Variants in PALS1 observed in about 807,000 individuals in gnomAD.
PALS1 encodes protein PALS1.
A neutral mutation model predicts 78.9 loss-of-function variants in PALS1; 31 were observed. The ratio of observed to expected loss-of-function variants is 0.39; its 90% CI spans 0.30 to 0.53. The LOEUF (loss-of-function observed/expected upper bound fraction) is 0.53, where lower values mean the gene tolerates loss of function less well. PALS1 is among the 20% of genes least tolerant of loss of function. PALS1 has a pLI of 0.67. For missense variants in PALS1, 704 were observed against 826.5 expected, an observed-to-expected ratio of 0.85 and a Z score of 1.82; for synonymous variants, 276 against 270.9, an observed-to-expected ratio of 1.02 and a Z score of -0.18.
chr14:67,312,552 A>G lies in PALS1; in HGVS notation c.1067A>G (p.Tyr356Cys), dbSNP rs2085107093. The part of the protein sequence containing the change: ...TVIHVKAHFD[Y>C]DPSDDPYVPC... Reference sequence around the variant, plus strand: ...ATCCATGTAAAAGCTCATTTTGACTATGACCCCTCAGATGACCCTTATGTT... The same window carrying G: ...ATCCATGTAAAAGCTCATTTTGACTGTGACCCCTCAGATGACCCTTATGTT... The change falls in exon 9 of 15, where the codon TAT becomes TGT. Residue 356 changes from tyrosine (Y) to cysteine (C), a missense_variant. Coordinates refer to ENST00000261681, the MANE Select transcript of PALS1 (RefSeq NM_022474.4). The G allele has an allele frequency of 6.3e-7, 1 of 1,596,668 alleles. No individual in the cohort carries two copies. The highest frequency in any genetic ancestry group is 8.5e-7 in the Non-Finnish European group (1 of 1,170,706).
chr14:67,245,923 G>GTTTA (rs2083980481), intron 1 of PALS1, among the ~76,000 whole-genome samples: 1 of 151,516 alleles, frequency 6.6e-6, no homozygotes, highest in African/African-American at 2.4e-5. Context: ...TCCATTTTGA[G>GTTTA]TTTATTTTTG....
In PALS1 at chr14:67,335,318, T is replaced by C. The variant is rs2085513068; in HGVS notation, c.*2362T>C. On this transcript the variant is annotated 3_prime_UTR_variant, in exon 15 of 15. Transcript: ENST00000261681. ...ATGGAAAAAAGCCTTGCTGTACACC[T>C]AGTTGTACAGCCACTCTGGCCAATT... is the stretch of plus-strand genomic sequence containing the variant. The C allele has an allele frequency of 6.6e-6, 1 of 152,232 alleles. No homozygotes were observed. The highest frequency in any genetic ancestry group is 1.5e-5 in the Non-Finnish European group (1 of 68,046). 9.4% of individuals were successfully genotyped at this position (152,232 alleles called of 1,614,324 possible).
At chr14:67,295,301 A>G (rs1053174133) in intron 4 of PALS1, among the ~76,000 whole-genome samples, 1 of 151,912 alleles carries the variant, frequency 6.6e-6, no homozygotes, top group East Asian at 2.0e-4. Context: ...CCTGGCCAAC[A>G]TGGTGAAACC....
rs567115190 is a variant in PALS1 at position 67,273,572 on chromosome 14, G to A, written c.-154+3789G>A. On this transcript the variant is annotated intron_variant, in intron 2 of 14. Coordinates refer to ENST00000261681, the MANE Select transcript of PALS1 (RefSeq NM_022474.4). ...AGTCTTTGCTATTGTGAATAGTGCCGCAGTCAACATATGTGTGCATGTGTC... is the reference window on the plus strand; with the variant it reads ...AGTCTTTGCTATTGTGAATAGTGCCACAGTCAACATATGTGTGCATGTGTC... 1.1e-4 allele frequency among the ~76,000 whole-genome samples: 17 copies of A among 152,206 alleles called. No individual in the cohort carries two copies. The East Asian group carries it at 1.5e-3, about 14-fold the overall frequency.
intron 3 of PALS1, among the ~76,000 whole-genome samples, chr14:67,283,599 A>ATT: frequency 6.6e-6 from 1 of 151,636 alleles, no homozygotes; most frequent in Admixed American, 6.6e-5. Flanking sequence ...CCTTCAGGGA[A>ATT]TTTTTTTTTA....
chr14:67,292,800 G>A, intron 4 of PALS1, 81 bp downstream of exon 4: 2 of 1,031,890 alleles, frequency 1.9e-6, no homozygotes, highest in Non-Finnish European at 2.9e-6. Flanking sequence ...AAATACTAAT[G>A]TGACTATAAG....
In PALS1 at chr14:67,320,214, C is replaced by G; in HGVS notation, c.1370-16C>G. On this transcript the variant is annotated splice_polypyrimidine_tract_variant and intron_variant, in intron 11 of 14. Transcript: ENST00000261681. The stretch of plus-strand genomic sequence containing the variant: ...CCATAATTTTGTTTGAAGAGCTTAA[C>G]TTTTTTTTCCCAAAGATTATGACAA... The G allele has an allele frequency of 1.3e-6, 2 of 1,597,962 alleles. No individual in the cohort carries two copies. Among genetic ancestry groups the G allele is most frequent in the Non-Finnish European group, 1.7e-6 (2 of 1,174,396 alleles).
chr14:67,244,457 G>T (rs8015862), intron 1 of PALS1, among the ~76,000 whole-genome samples: 22,621 of 152,188 alleles, frequency 0.15, 3,150 homozygotes, highest in East Asian at 0.42. Flanking sequence ...GATGAGAAAT[G>T]ATATAATTGC....
chr14:67,328,858 G>C lies in PALS1; in HGVS notation c.1852-3922G>C, dbSNP rs530207401. The stretch of plus-strand genomic sequence containing the variant: ...CTGTATCTCTGTTTTGGTACCAGTA[G>C]CATGCTGTTTTGGTTACTGTAGCCT... On this transcript the variant is annotated intron_variant, in intron 14 of 14. Coordinates refer to ENST00000261681, the MANE Select transcript of PALS1 (RefSeq NM_022474.4). Among the ~76,000 whole-genome samples, 10 of 152,164 alleles carry C rather than the reference G, an allele frequency of 6.6e-5. No homozygotes were observed. In the East Asian group the frequency reaches 1.2e-3, roughly 18 times the overall value.
intron 3 of PALS1, among the ~76,000 whole-genome samples, chr14:67,282,213 G>A (rs769349213): frequency 1.3e-5 from 2 of 151,654 alleles, no homozygotes; most frequent in South Asian, 4.2e-4. Flanking sequence ...TTTTTTTCTT[G>A]TTCATAATCT....
chr14:67,319,112 T>C (rs898200490), intron 11 of PALS1, among the ~76,000 whole-genome samples: 1 of 151,982 alleles, frequency 6.6e-6, no homozygotes, highest in African/African-American at 2.4e-5. Flanking sequence ...TCTTAACAAC[T>C]AATACATGAT....
At chr14:67,296,685 T>A (rs1490381657) in intron 4 of PALS1, among the ~76,000 whole-genome samples, 3 of 151,966 alleles carry the variant, frequency 2.0e-5, no homozygotes, top group Non-Finnish European at 4.4e-5. Flanking sequence ...TGGTAAATAT[T>A]TTAAATATTT....
At position 67,302,058 on chromosome 14, in the gene PALS1, C is replaced by T; in HGVS notation, c.741C>T (p.Gly247=). The T allele has an allele frequency of 6.2e-7, 1 of 1,608,980 alleles. No individual in the cohort carries two copies. Among genetic ancestry groups the T allele is most frequent in the Non-Finnish European group, 8.5e-7 (1 of 1,177,554 alleles). ...ATGAGAGAGTTTATGAAAGTATTGG[C>T]CAGTATGGAGGAGAAACTGTAAAAA... is the stretch of plus-strand genomic sequence containing the variant. The part of the protein sequence containing the change: ...ITDERVYESI[G]QYGGETVKIV... Residue 247 remains glycine, a synonymous_variant, in exon 6 of 15, where the codon GGC becomes GGT. Coordinates refer to ENST00000261681, the MANE Select transcript of PALS1 (RefSeq NM_022474.4).
intron 14 of PALS1, among the ~76,000 whole-genome samples, chr14:67,330,264 GCTTT>G (rs1039979493): frequency 6.6e-5 from 10 of 151,072 alleles, no homozygotes; most frequent in South Asian, 2.1e-4. Flanking sequence ...TTCTTTTTAT[GCTTT>G]CTTTGACTAT....
chr14:67,266,556 C>A (rs1419989987), intron 1 of PALS1, among the ~76,000 whole-genome samples: 1 of 152,004 alleles, frequency 6.6e-6, no homozygotes, highest in Admixed American at 6.5e-5. Context: ...AAACTGCTGA[C>A]CTCAAGTGAT....
rs766417751 is a variant in PALS1 at position 67,312,564 on chromosome 14, A to T, written c.1079A>T (p.Asp360Val). The change falls in exon 9 of 15, where the codon GAT becomes GTT. Residue 360 changes from aspartate to valine, a missense_variant. Physicochemically the swap from Asp to Val is radical, Grantham distance 152 (BLOSUM62 -3). Transcript: ENST00000261681. ...VKAHFDYDPS[D>V]DPYVPCRELG... ...GCTCATTTTGACTATGACCCCTCAG[A>T]TGACCCTTATGTTCCATGTCGAGAG... 9 of 1,607,606 alleles carry T rather than the reference A, an allele frequency of 5.6e-6. 1 individual carries two copies. In the South Asian group the frequency reaches 1.0e-4, roughly 18 times the overall value.
intron 3 of PALS1, among the ~76,000 whole-genome samples, chr14:67,292,099 A>G (rs140410422): frequency 1.3e-5 from 2 of 152,340 alleles, no homozygotes; most frequent in Admixed American, 1.3e-4. Flanking sequence ...GTAATAGAAT[A>G]TAATGGAATC....
intron 14 of PALS1, among the ~76,000 whole-genome samples, chr14:67,330,032 AG>A (rs1044795460): frequency 6.6e-6 from 1 of 151,004 alleles, no homozygotes; most frequent in African/African-American, 2.4e-5. Flanking sequence ...GTATTGTTAA[AG>A]TCACAGAAAA....
intron 13 of PALS1, 87 bp from the exon 14 acceptor site, chr14:67,323,615 A>AATATATATATATTAGATTAT (rs1555340622): frequency 5.3e-4 from 137 of 260,282 alleles, no homozygotes; most frequent in Non-Finnish European, 3.7e-4. Context: ...CCCTTAATCT[A>AATATATATATATTAGATTAT]ATATATATAT....
Sources: allele counts gnomAD v4.1 joint callset (sites outside exome capture counted in the v4.1 genomes callset), GRCh38; gene constraint gnomAD v4.1.1; transcripts MANE v1.5; gene names NCBI Gene and HGNC (gene_info 2026-07-23, HGNC 2026-07-21).